GRM8: variants seen among roughly 807,000 people sequenced by gnomAD.
The protein encoded by GRM8 is metabotropic glutamate receptor 8.
In GRM8, 47 loss-of-function variants were observed where a neutral mutation model predicts 87.2. The observed-to-expected ratio is 0.54, with a 90% CI of 0.43 to 0.69. The LOEUF is 0.69. Ranked by LOEUF, GRM8 falls within the 30% of genes least tolerant of loss-of-function variation. The pLI, the probability that GRM8 is intolerant of heterozygous loss-of-function variation, is 0.00. For missense variants in GRM8, 1,019 were observed against 1,139.2 expected (o/e 0.89, Z 1.52); for synonymous variants, 396 against 404.5 (o/e 0.98, Z 0.25).
In GRM8 at chr7:126,830,333, G is replaced by A. The variant is rs1199271291; in HGVS notation, c.1157-60268C>T. ...GGTTCCATTCTCCCTGTCACTTTCA[G>A]GTCCACCAATCAGACGCAGATTTGG... On this transcript the variant is annotated intron_variant, in intron 6 of 10. Transcript: ENST00000339582. Among the ~76,000 whole-genome samples the A allele has an allele frequency of 4.6e-5, 7 of 152,276 alleles. No individual in the cohort carries two copies. The East Asian group carries it at 1.2e-3, about 25-fold the overall frequency.
intron 6 of GRM8, among the ~76,000 whole-genome samples, chr7:126,789,241 A>C (rs530873605): frequency 6.6e-6 from 1 of 152,330 alleles, no homozygotes; most frequent in East Asian, 1.9e-4. Flanking sequence ...TAACCAAAAA[A>C]AAACACACAA....
At chr7:127,080,157 G>A (rs866457383) in intron 3 of GRM8, among the ~76,000 whole-genome samples, 5 of 152,114 alleles carry the variant, frequency 3.3e-5, no homozygotes, top group African/African-American at 1.2e-4. Flanking sequence ...AATTGGGAAG[G>A]GGGAGGCAGA....
At chr7:127,170,953 G>A (rs17867782) in intron 2 of GRM8, among the ~76,000 whole-genome samples, 26,434 of 151,980 alleles carry the variant, frequency 0.17, 2,908 homozygotes, top group Non-Finnish European at 0.25. Flanking sequence ...ACTTATTCAT[G>A]TAACCAAACA....
At chr7:126,472,383 G>A (rs1360851576) in intron 9 of GRM8, among the ~76,000 whole-genome samples, 2 of 152,104 alleles carry the variant, frequency 1.3e-5, no homozygotes, top group Non-Finnish European at 2.9e-5. Context: ...TTTATTGAGA[G>A]TTATTAGCAT....
At chr7:127,156,473 C>T (rs576470684) in intron 2 of GRM8, among the ~76,000 whole-genome samples, 1 of 152,254 alleles carries the variant, frequency 6.6e-6, no homozygotes, top group South Asian at 2.1e-4. Flanking sequence ...GACAGTTTTA[C>T]CTAAGAGCAG....
intron 6 of GRM8, among the ~76,000 whole-genome samples, chr7:126,771,716 A>G (rs576461762): frequency 2.1e-4 from 32 of 152,162 alleles, no homozygotes; most frequent in Admixed American, 5.9e-4. Flanking sequence ...ATGGCCTACC[A>G]TATCTCTACG....
Position 126,725,817 on chromosome 7 carries a change from C to T in GRM8, c.1357+44048G>A, listed in dbSNP as rs140785713. On this transcript the variant is annotated intron_variant, in intron 7 of 10. Coordinates refer to ENST00000339582, the MANE Select transcript of GRM8 (RefSeq NM_000845.3). ...GCAAAGCGGGAACAAGCATATCACA[C>T]GGCCAGACTAGGAGTAAAGGAGATT... Among the ~76,000 whole-genome samples the T allele has an allele frequency of 2.8e-3, 432 of 152,224 alleles. 6 individuals are homozygous for T. The highest frequency in any genetic ancestry group is 9.8e-3 in the African/African-American group (408 of 41,546).
intron 7 of GRM8, among the ~76,000 whole-genome samples, chr7:126,717,374 T>A (rs1405023263): frequency 6.6e-6 from 1 of 152,120 alleles, no homozygotes; most frequent in Non-Finnish European, 1.5e-5. Flanking sequence ...GTAGCATGCA[T>A]GTGAGCCATC....
intron 6 of GRM8, among the ~76,000 whole-genome samples, chr7:126,878,519 CTTTTTTT>C (rs35669727): frequency 7.6e-6 from 1 of 131,060 alleles, no homozygotes; most frequent in Non-Finnish European, 1.6e-5. Flanking sequence ...TCGTCTTCTT[CTTTTTTT>C]TTTTTTTTTT....
At chr7:126,615,419 C>T (rs1342672478) in intron 7 of GRM8, among the ~76,000 whole-genome samples, 1 of 152,212 alleles carries the variant, frequency 6.6e-6, no homozygotes, top group African/African-American at 2.4e-5. Flanking sequence ...ACTGCAAAAA[C>T]ATGCCAAATT....
intron 3 of GRM8, among the ~76,000 whole-genome samples, chr7:127,000,045 T>C (rs549398830): frequency 6.6e-6 from 1 of 151,948 alleles, no homozygotes; most frequent in African/African-American, 2.4e-5. Flanking sequence ...ATATACACAA[T>C]GGAGTACTGG....
At chr7:126,590,429 T>C (rs60714151) in intron 8 of GRM8, among the ~76,000 whole-genome samples, 31,360 of 151,860 alleles carry the variant, frequency 0.21, 3,445 homozygotes, top group African/African-American at 0.29. Context: ...TGAAGAAATC[T>C]AAAGGTTTGG....
chr7:126,588,843 C>G (rs1833071), intron 8 of GRM8, among the ~76,000 whole-genome samples: 1 of 151,968 alleles, frequency 6.6e-6, no homozygotes, highest in Non-Finnish European at 1.5e-5. Context: ...TGAACACACA[C>G]CCTCACTGGG....
intron 2 of GRM8, among the ~76,000 whole-genome samples, chr7:127,238,349 C>G (rs933529720): frequency 6.6e-6 from 1 of 151,124 alleles, no homozygotes; most frequent in African/African-American, 2.4e-5. Flanking sequence ...TTAGGGTACA[C>G]TAGTGCATCT....
At chr7:126,767,734 A>AAT (rs1450819069) in intron 7 of GRM8, among the ~76,000 whole-genome samples, 1 of 152,080 alleles carries the variant, frequency 6.6e-6, no homozygotes, top group African/African-American at 2.4e-5. Context: ...AAATGTGATG[A>AAT]ATATCCTGGA....
At chr7:127,175,035 C>T (rs1794018284) in intron 2 of GRM8, among the ~76,000 whole-genome samples, 1 of 152,110 alleles carries the variant, frequency 6.6e-6, no homozygotes, top group South Asian at 2.1e-4. Context: ...TGGCAACTCC[C>T]TATTTGATAT....
chr7:126,768,312 C>G (rs1169264446), intron 7 of GRM8, among the ~76,000 whole-genome samples: 2 of 103,140 alleles, frequency 1.9e-5, no homozygotes, highest in Non-Finnish European at 3.5e-5. Flanking sequence ...CAGCACCTGT[C>G]CTAAAAACAA....
chr7:126,605,632 A>G (rs1283977930), intron 8 of GRM8, among the ~76,000 whole-genome samples: 1 of 152,182 alleles, frequency 6.6e-6, no homozygotes, highest in Admixed American at 6.5e-5. Flanking sequence ...AGCCAGAAAA[A>G]CTGGCTCTTT....
At chr7:126,607,576 T>A (rs1798481659) in intron 8 of GRM8, among the ~76,000 whole-genome samples, 1 of 152,156 alleles carries the variant, frequency 6.6e-6, no homozygotes, top group African/African-American at 2.4e-5. Context: ...AGAGGAGATG[T>A]TTTTTGCTAG....
Sources: allele counts gnomAD v4.1 joint callset (sites outside exome capture counted in the v4.1 genomes callset), GRCh38; gene constraint gnomAD v4.1.1; transcripts MANE v1.5; gene names NCBI Gene and HGNC (gene_info 2026-07-23, HGNC 2026-07-21).